The following CROCC variants were observed in gnomAD, a reference collection of about 807,000 sequenced individuals.
CROCC encodes ciliary rootlet coiled-coil, rootletin, also known as rootletin.
In CROCC, 180 loss-of-function variants were observed where a neutral mutation model predicts 245.2. The ratio of observed to expected loss-of-function variants is 0.73; its 90% confidence interval spans 0.65 to 0.83. The LOEUF (loss-of-function observed/expected upper bound fraction) is 0.83. CROCC is among the 40% of genes least tolerant of loss of function. CROCC has a pLI of 0.00. For synonymous variants in CROCC, 1,205 were observed against 1,241.6 expected (o/e 0.97, Z 0.62); for missense variants, 2,688 against 2,779.4 (o/e 0.97, Z 0.74).
chr1:16,914,403 T>C (rs1464268288), intron 1 of CROCC, among the ~76,000 whole-genome samples: 1 of 152,228 alleles, frequency 6.6e-6, no homozygotes, highest in African/African-American at 2.4e-5. Context: ...GGCGCAGCCG[T>C]CCCTCCGCCG....
chr1:16,944,005 G>C (rs2075990612), intron 13 of CROCC, 95 bp from the exon 14 acceptor site: 1 of 1,290,728 alleles, frequency 7.7e-7, no homozygotes, highest in Non-Finnish European at 1.0e-6. Context: ...TGGAAGACTG[G>C]AGGATGTAGC....
upstream of CROCC, chr1:16,921,919 C>A: frequency 7.9e-7 from 1 of 1,264,638 alleles, no homozygotes; most frequent in South Asian, 1.3e-5. Flanking sequence ...CTTAATCTGC[C>A]TGGTGCTCAG....
At chr1:16,927,660 A>C (rs1175876953) in intron 3 of CROCC, among the ~76,000 whole-genome samples, 1 of 152,276 alleles carries the variant, frequency 6.6e-6, no homozygotes, top group Non-Finnish European at 1.5e-5. Context: ...AAATGACAAA[A>C]TACACCCCAC....
At chr1:16,937,524 G>A (rs2075818454) in intron 9 of CROCC, 117 bp from the exon 10 acceptor site, 2 of 802,210 alleles carry the variant, frequency 2.5e-6, no homozygotes, top group Non-Finnish European at 4.2e-6. Flanking sequence ...ACACAGCCAG[G>A]GAGGTGGATG....
intron 15 of CROCC, among the ~76,000 whole-genome samples, 190 bp from the exon 16 acceptor site, chr1:16,946,069 G>A (rs2076038386): frequency 6.6e-6 from 1 of 152,278 alleles, no homozygotes; most frequent in Admixed American, 6.5e-5. Flanking sequence ...TCTGTGGTGT[G>A]TGGCTTTTAA....
At position 16,966,462 on chromosome 1, in the gene CROCC, A is replaced by G; in HGVS notation, c.4751A>G (p.Gln1584Arg). ...GGGGTCCAGGCGGAGCTGGCGCTGCAGGAGGAGAGTGTGCGGCGCAGTGAG... is the reference window on the plus strand; with the variant it reads ...GGGGTCCAGGCGGAGCTGGCGCTGCGGGAGGAGAGTGTGCGGCGCAGTGAG... ...LSGVQAELAL[Q>R]EESVRRSERE... is the part of the protein sequence containing the mutation. Residue 1584 changes from glutamine (Q) to arginine (R), a missense_variant, in exon 30 of 37, where the codon CAG becomes CGG. Gln to Arg is a conservative substitution (Grantham distance 43, BLOSUM62 1). Coordinates refer to ENST00000375541, the MANE Select transcript of CROCC (RefSeq NM_014675.5). This position sits in a 1 kb window ranked among gnomAD's most constrained non-coding sequence, Gnocchi z 4.8. 2 of 1,536,614 alleles carry G rather than the reference A, an allele frequency of 1.3e-6. No individual in the cohort carries two copies. Among genetic ancestry groups the G allele is most frequent in the South Asian group, 2.4e-5 (2 of 83,812 alleles).
At position 16,966,479 on chromosome 1, in the gene CROCC, C is replaced by T. The variant is rs901658845; in HGVS notation, c.4768C>T (p.Arg1590Cys). 15 of 1,534,842 alleles carry T rather than the reference C, an allele frequency of 9.8e-6. No individual in the cohort carries two copies. The highest frequency in any genetic ancestry group is 6.9e-5 in the African/African-American group (5 of 72,824). The part of the protein sequence containing the change: ...ELALQEESVR[R>C]SERERRATLD... ...GGCGCTGCAGGAGGAGAGTGTGCGG[C>T]GCAGTGAGCGGGAGCGCCGGGCCAC... The change falls in exon 30 of 37, where the codon CGC becomes TGC. Residue 1590 changes from arginine to cysteine, a missense_variant. Coordinates refer to ENST00000375541, the MANE Select transcript of CROCC (RefSeq NM_014675.5). This position sits in a 1 kb window ranked among gnomAD's most constrained non-coding sequence, Gnocchi z 4.8.
At position 16,938,871 on chromosome 1, in the gene CROCC, C is replaced by A. The variant is rs4269812; in HGVS notation, c.1375-38C>A. 8 of 1,584,558 alleles carry A rather than the reference C, an allele frequency of 5.0e-6. No homozygotes were observed. In the East Asian group the frequency reaches 1.8e-4, roughly 36 times the overall value. On this transcript the variant is annotated intron_variant, in intron 11 of 36. Transcript: ENST00000375541. Reference sequence around the variant, plus strand: ...GCCCAGCTAACCCCGCGGTTCCTAACTCAGCAGCCTCCTTCTGCCTCCCTC... The same window carrying A: ...GCCCAGCTAACCCCGCGGTTCCTAAATCAGCAGCCTCCTTCTGCCTCCCTC...
In CROCC at chr1:16,954,799, G is replaced by A. The variant is rs542013791; in HGVS notation, c.3387G>A (p.Ala1129=). ...DLRAQREEAA[A]AHAQEVRRLQ... ...GGGCCCAGCGGGAGGAGGCTGCTGCGGCCCACGCCCAGGAGGTGAGGAGGC... is the reference window on the plus strand; with the variant it reads ...GGGCCCAGCGGGAGGAGGCTGCTGCAGCCCACGCCCAGGAGGTGAGGAGGC... Residue 1129 remains alanine, a synonymous_variant, in exon 23 of 37, where the codon GCG becomes GCA. Coordinates refer to ENST00000375541, the MANE Select transcript of CROCC (RefSeq NM_014675.5). This position sits in a 1 kb window ranked among gnomAD's most constrained non-coding sequence, Gnocchi z 4.4. The A allele has an allele frequency of 4.9e-5, 76 of 1,552,918 alleles. No individual in the cohort carries two copies. The highest frequency in any genetic ancestry group is 2.6e-4 in the South Asian group (22 of 84,236).
At chr1:16,945,930 G>C (rs1423688509) in intron 15 of CROCC, among the ~76,000 whole-genome samples, 1 of 152,296 alleles carries the variant, frequency 6.6e-6, no homozygotes, top group Non-Finnish European at 1.5e-5. Flanking sequence ...ACAGCGCAGA[G>C]GGTCCTTGGC....
rs2075629647 is a variant in CROCC at position 16,929,999 on chromosome 1, C to T, written c.505C>T (p.Gln169Ter). 1 of 1,584,336 alleles carries T rather than the reference C, an allele frequency of 6.3e-7. No individual in the cohort carries two copies. The highest frequency in any genetic ancestry group is 2.3e-5 in the East Asian group (1 of 44,230). Residue 169 changes from glutamine to a stop codon, truncating the protein, a stop_gained, in exon 4 of 37, where the codon CAG becomes TAG. Transcript: ENST00000375541. LOFTEE classifies it high-confidence loss of function. ...LQAYQEGQQR[Q>*]AQLVQRLQGK... is the part of the protein sequence containing the mutation. The stretch of plus-strand genomic sequence containing the variant: ...GGCCTACCAGGAGGGCCAGCAGCGG[C>T]AGGCCCAGCTTGTGCAGCGGCTGCA...
chr1:16,942,145 G>T (rs1379564728), intron 13 of CROCC, among the ~76,000 whole-genome samples: 1 of 152,224 alleles, frequency 6.6e-6, no homozygotes, highest in Non-Finnish European at 1.5e-5. Flanking sequence ...TGAGTAGCTG[G>T]AACTACAGGC....
Position 16,970,449 on chromosome 1 carries a change from A to G in CROCC, c.5648A>G (p.Asp1883Gly). 1 of 1,582,468 alleles carries G rather than the reference A, an allele frequency of 6.3e-7. No homozygotes were observed. Among genetic ancestry groups the G allele is most frequent in the Non-Finnish European group, 8.6e-7 (1 of 1,161,148 alleles). Residue 1883 changes from aspartate to glycine, a missense_variant, in exon 34 of 37, where the codon GAC becomes GGC. Around this residue, in one of 9 missense-constraint regions of CROCC, gnomAD observed 1,218 missense variants for 1,286.3 expected, o/e 0.95. Coordinates refer to ENST00000375541, the MANE Select transcript of CROCC (RefSeq NM_014675.5). ...KDRVALRRTL[D>G]KVEREKLRSH... is the part of the protein sequence containing the mutation. ...CGTGTAGCCCTCAGGAGGACGCTGG[A>G]CAAGGTAGGCTGCTCCCCAGGCTCT... is the stretch of plus-strand genomic sequence containing the variant.
chr1:16,930,729 A>T (rs2075656931), intron 7 of CROCC, 135 bp downstream of exon 7: 1 of 1,053,254 alleles, frequency 9.5e-7, no homozygotes, highest in Non-Finnish European at 1.4e-6. Flanking sequence ...AATAGCCGTC[A>T]TCACAATAGC....
At chr1:16,916,951 C>T (rs2075312008), upstream of CROCC, among the ~76,000 whole-genome samples, 1 of 152,294 alleles carries the variant, frequency 6.6e-6, no homozygotes, top group Admixed American at 6.5e-5. Context: ...AACCCTGTCT[C>T]TACTAAAAAT....
At chr1:16,959,885 C>G (rs990522439) in intron 26 of CROCC, among the ~76,000 whole-genome samples, 1 of 151,932 alleles carries the variant, frequency 6.6e-6, no homozygotes, top group Non-Finnish European at 1.5e-5. Context: ...TATGCCTCCC[C>G]GCCTTTCCCC....
chr1:16,914,313 G>A (rs2075281614), intron 1 of CROCC, among the ~76,000 whole-genome samples: 1 of 152,192 alleles, frequency 6.6e-6, no homozygotes, highest in African/African-American at 2.4e-5. Flanking sequence ...CAGGCTCCGC[G>A]GATGCCCCGC....
chr1:16,947,047 C>G, intron 17 of CROCC, 56 bp downstream of exon 17: 4 of 1,440,842 alleles, frequency 2.8e-6, no homozygotes, highest in Non-Finnish European at 3.8e-6. Flanking sequence ...AGGCCGGGCT[C>G]CCAGCCCCCT....
chr1:16,972,318 G>A (rs1325470630), intron 36 of CROCC, 42 bp from the exon 37 acceptor site: 1 of 1,548,096 alleles, frequency 6.5e-7, no homozygotes, highest in Admixed American at 1.7e-5. Context: ...TCTGAAGCCA[G>A]GCTGAGGACC....
Sources: gnomAD v4.1 joint callset for allele counts (sites outside exome capture counted in the v4.1 genomes callset) on GRCh38, gnomAD v4.1.1 for gene constraint, gnomAD v4.1.1 regional missense constraint, Gnocchi (gnomAD v3.1) non-coding constraint, MANE v1.5 for transcripts, NCBI Gene and HGNC (gene_info 2026-07-23, HGNC 2026-07-21) for gene names.